The following GRK5 variants were observed in gnomAD, a reference collection of about 807,000 sequenced individuals.
The protein encoded by GRK5 is g protein-coupled receptor kinase GRK5.
GRK5 carries 40 observed loss-of-function variants against 78.4 expected under a neutral mutation model. The observed-to-expected ratio is 0.51, with a 90% CI of 0.40 to 0.66. The LOEUF is 0.66. Ranked by LOEUF, GRK5 falls within the 30% of genes least tolerant of loss-of-function variation. GRK5 has a pLI of 0.00. For missense variants in GRK5, 598 were observed against 759.9 expected (o/e 0.79, Z 2.50); for synonymous variants, 289 against 296.8 (o/e 0.97, Z 0.27).
intron 4 of GRK5, among the ~76,000 whole-genome samples, chr10:119,417,618 A>G (rs1852486407): frequency 6.6e-6 from 1 of 151,130 alleles, no homozygotes; most frequent in African/African-American, 2.4e-5. Context: ...GTGGTCAGCA[A>G]TACATCATCC....
At chr10:119,229,104 C>T (rs758794490) in intron 1 of GRK5, among the ~76,000 whole-genome samples, 4 of 151,994 alleles carry the variant, frequency 2.6e-5, no homozygotes, top group Non-Finnish European at 5.9e-5. Context: ...TTTGATTTTT[C>T]GGAAAATCAA....
At chr10:119,313,008 A>ATGGTGATG (rs1564886918) in intron 1 of GRK5, among the ~76,000 whole-genome samples, 25 of 4,604 alleles carry the variant, frequency 5.4e-3, no homozygotes, top group African/African-American at 0.012. Context: ...GGTGGTCGTG[A>ATGGTGATG]CGGTGATGGT....
intron 4 of GRK5, among the ~76,000 whole-genome samples, chr10:119,420,568 CTTTCTTTTTTTTT>C (rs1411539190): frequency 2.0e-5 from 3 of 149,258 alleles, no homozygotes; most frequent in East Asian, 2.0e-4. Flanking sequence ...TTTTCTTTTT[CTTTCTTTTTTTTT>C]TTTCTTTTTT....
intron 1 of GRK5, among the ~76,000 whole-genome samples, chr10:119,248,799 CATT>C (rs1849153689): frequency 1.3e-5 from 2 of 152,022 alleles, no homozygotes; most frequent in African/African-American, 4.8e-5. Flanking sequence ...ACAGCATGCT[CATT>C]TGTGGATCTA....
chr10:119,360,485 A>G (rs549473057), intron 2 of GRK5, among the ~76,000 whole-genome samples: 1 of 131,266 alleles, frequency 7.6e-6, no homozygotes, highest in East Asian at 2.3e-4. Flanking sequence ...GAGTGGGAGG[A>G]GCCTGTGCGA....
chr10:119,371,506 G>A (rs1400858824), intron 2 of GRK5, among the ~76,000 whole-genome samples: 1 of 152,270 alleles, frequency 6.6e-6, no homozygotes, highest in African/African-American at 2.4e-5. Flanking sequence ...CTGGGGGTAT[G>A]AGTCTTGAAG....
intron 2 of GRK5, chr10:119,330,380 G>GGAGAGAGAGAGA (rs57000272): frequency 1.9e-5 from 2 of 104,594 alleles, no homozygotes; most frequent in African/African-American, 4.1e-5. Flanking sequence ...AGGGAGGGAG[G>GGAGAGAGAGAGA]GAGAGAGAGA....
intron 1 of GRK5, chr10:119,211,368 GCGA>G (rs1252420602): frequency 2.0e-5 from 3 of 152,180 alleles, no homozygotes; most frequent in Admixed American, 2.0e-4. Context: ...AAATTGGCAG[GCGA>G]CCTAATGTTG....
intron 1 of GRK5, among the ~76,000 whole-genome samples, chr10:119,316,536 C>T (rs1850489640): frequency 6.6e-6 from 1 of 152,256 alleles, no homozygotes; most frequent in Admixed American, 6.5e-5. Flanking sequence ...ACCACGGCAA[C>T]AGATTCAGGG....
intron 1 of GRK5, among the ~76,000 whole-genome samples, chr10:119,312,710 CTTCCTGT>C (rs1364041688): frequency 6.6e-6 from 1 of 152,188 alleles, no homozygotes. Context: ...AGACTTCCTG[CTTCCTGT>C]GGCACCCCTG....
At chr10:119,228,811 T>TGAGAG (rs1454040824) in intron 1 of GRK5, among the ~76,000 whole-genome samples, 1 of 152,124 alleles carries the variant, frequency 6.6e-6, no homozygotes, top group African/African-American at 2.4e-5. Flanking sequence ...TAAGGCCACT[T>TGAGAG]GAGAGGACTG....
In GRK5 at chr10:119,230,099, G is replaced by T. The variant is rs185752865; in HGVS notation, c.52+22130G>T. Among the ~76,000 whole-genome samples, 66 of 152,220 alleles carry T rather than the reference G, an allele frequency of 4.3e-4. No individual in the cohort carries two copies. In the East Asian group the frequency reaches 6.0e-3, roughly 14 times the overall value. On this transcript the variant is annotated intron_variant, in intron 1 of 15. Coordinates refer to ENST00000392870, the MANE Select transcript of GRK5 (RefSeq NM_005308.3). ...TTTTTCTGGAGCCTGGAGTAGTTGTGGGGGAGCAGGGAGCAGGAAGGCTGC... is the reference window on the plus strand; with the variant it reads ...TTTTTCTGGAGCCTGGAGTAGTTGTTGGGGAGCAGGGAGCAGGAAGGCTGC...
At chr10:119,390,697 A>G (rs1458761511) in intron 3 of GRK5, among the ~76,000 whole-genome samples, 1 of 152,158 alleles carries the variant, frequency 6.6e-6, no homozygotes, top group Non-Finnish European at 1.5e-5. Flanking sequence ...TCCATCTCAA[A>G]ATCTCAAAAA....
chr10:119,345,847 T>A (rs1275050821), intron 2 of GRK5, among the ~76,000 whole-genome samples: 12 of 146,236 alleles, frequency 8.2e-5, no homozygotes, highest in Non-Finnish European at 1.8e-4. Flanking sequence ...TTTTTTTTTT[T>A]AAACCTCTCT....
chr10:119,222,780 A>G (rs1295315355), intron 1 of GRK5, among the ~76,000 whole-genome samples: 2 of 152,228 alleles, frequency 1.3e-5, no homozygotes, highest in Admixed American at 6.5e-5. Flanking sequence ...TGCTGAGGCT[A>G]CGGGCTCCGT....
At chr10:119,359,495 G>A (rs1314640167) in intron 2 of GRK5, among the ~76,000 whole-genome samples, 1 of 152,162 alleles carries the variant, frequency 6.6e-6, no homozygotes, top group African/African-American at 2.4e-5. Flanking sequence ...AGGTGGGCAG[G>A]GCCAGGCAAC....
intron 2 of GRK5, chr10:119,334,494 A>G (rs1200368142): frequency 2.0e-5 from 3 of 152,328 alleles, no homozygotes; most frequent in Non-Finnish European, 4.4e-5. Flanking sequence ...TTAATGGGAT[A>G]ATTGTTCATG....
At chr10:119,266,465 A>C (rs984648076) in intron 1 of GRK5, among the ~76,000 whole-genome samples, 3 of 152,066 alleles carry the variant, frequency 2.0e-5, no homozygotes, top group African/African-American at 7.2e-5. Context: ...TCCGTCTCAA[A>C]AAAAAAAAGA....
chr10:119,436,225 C>T (rs1852915892), intron 8 of GRK5, among the ~76,000 whole-genome samples: 1 of 152,260 alleles, frequency 6.6e-6, no homozygotes, highest in South Asian at 2.1e-4. Flanking sequence ...AGCCCCACTG[C>T]CCCTCCAGCT....
Sources: gnomAD v4.1 joint callset for allele counts (sites outside exome capture counted in the v4.1 genomes callset) on GRCh38, gnomAD v4.1.1 for gene constraint, MANE v1.5 for transcripts, NCBI Gene and HGNC (gene_info 2026-07-23, HGNC 2026-07-21) for gene names.